Variants in GREB1 observed in about 807,000 individuals in gnomAD.
The protein encoded by GREB1 is growth regulating estrogen receptor binding 1, also known as protein GREB1.
A neutral mutation model predicts 200.7 loss-of-function variants in GREB1; 106 were observed. The observed-to-expected ratio is 0.53, with a 90% CI of 0.45 to 0.62. The LOEUF (loss-of-function observed/expected upper bound fraction) is 0.62. GREB1 is among the 20% of genes least tolerant of loss of function. The pLI is 0.00. For synonymous variants in GREB1, 1,132 were observed against 1,092.4 expected (o/e 1.04, Z -0.72); for missense variants, 2,243 against 2,556.8 (o/e 0.88, Z 2.65).
intron 23 of GREB1, 137 bp downstream of exon 23, chr2:11,621,144 G>A: frequency 1.6e-6 from 1 of 638,290 alleles, no homozygotes; most frequent in Non-Finnish European, 2.8e-6. Flanking sequence ...CTTGTAGGGG[G>A]TGCTATTTAT....
chr2:11,555,697 AAATAAATT>A (rs1676366595), intron 1 of GREB1, among the ~76,000 whole-genome samples: 1 of 152,210 alleles, frequency 6.6e-6, no homozygotes, highest in Admixed American at 6.5e-5. Flanking sequence ...TAGAGACAGA[AAATAAATT>A]AATTGTTGCC....
intron 16 of GREB1, among the ~76,000 whole-genome samples, chr2:11,601,626 T>A (rs1681789574): frequency 6.6e-6 from 1 of 152,218 alleles, no homozygotes; most frequent in Non-Finnish European, 1.5e-5. Flanking sequence ...TGAGAAACTT[T>A]AAAAAATACC....
chr2:11,538,990 T>TCTTCACCTCC, intron 1 of GREB1, among the ~76,000 whole-genome samples: 1 of 102,854 alleles, frequency 9.7e-6, no homozygotes, highest in African/African-American at 3.4e-5. Context: ...TCCTCTCCTC[T>TCTTCACCTCC]CTTCTCCTCC....
At chr2:11,587,478 T>C in intron 9 of GREB1, 1 of 1,611,252 alleles carries the variant, frequency 6.2e-7, no homozygotes, top group Non-Finnish European at 8.5e-7. Context: ...GGACCCATCC[T>C]GGAATCAGAA....
chr2:11,489,662 G>A (rs1047060019), intron 1 of GREB1, among the ~76,000 whole-genome samples: 1 of 152,216 alleles, frequency 6.6e-6, no homozygotes, highest in Non-Finnish European at 1.5e-5. Context: ...ACTCATGCGT[G>A]TAAGAGTAGT....
At chr2:11,593,921 G>A (rs1187316603) in intron 11 of GREB1, among the ~76,000 whole-genome samples, 1 of 152,104 alleles carries the variant, frequency 6.6e-6, no homozygotes, top group Non-Finnish European at 1.5e-5. Flanking sequence ...AGCTTTCCTG[G>A]CCTGCTTAAA....
chr2:11,516,777 G>A (rs1023260214), intron 1 of GREB1, among the ~76,000 whole-genome samples: 1 of 152,226 alleles, frequency 6.6e-6, no homozygotes, highest in Non-Finnish European at 1.5e-5. Context: ...CTAGGAAGCT[G>A]CCACACGCAA....
chr2:11,571,315 C>CCCAATTTAAATCCCAAATTAA (rs1678264780), intron 4 of GREB1, among the ~76,000 whole-genome samples: 1 of 152,144 alleles, frequency 6.6e-6, no homozygotes, highest in Admixed American at 6.5e-5. Flanking sequence ...AGTTGCTGTT[C>CCCAATTTAAATCCCAAATTAA]AGGCCCAATT....
rs1188031767 is a variant in GREB1 at position 11,516,377 on chromosome 2, C to G, written c.-159+33996C>G. 3.3e-5 allele frequency among the ~76,000 whole-genome samples: 5 copies of G among 151,610 alleles called. No individual in the cohort carries two copies. In the East Asian group the frequency reaches 9.7e-4, roughly 29 times the overall value. ...GCAATCTGTTCTCTTCTATCTTGCC[C>G]TGACTGCTCTGGTGCCGTCCTCAGC... is the stretch of plus-strand genomic sequence containing the variant. On this transcript the variant is annotated intron_variant, in intron 1 of 2. Transcript: ENST00000628795.
intron 17 of GREB1, among the ~76,000 whole-genome samples, chr2:11,605,370 C>T (rs1002463703): frequency 4.0e-5 from 6 of 151,702 alleles, no homozygotes; most frequent in African/African-American, 1.4e-4. Context: ...GAATTACAGG[C>T]GCTTGCCACC....
intron 8 of GREB1, 104 bp from the exon 9 acceptor site, chr2:11,585,658 A>C: frequency 8.1e-7 from 1 of 1,241,026 alleles, no homozygotes; most frequent in East Asian, 2.3e-5. Context: ...GTAATCAGGG[A>C]CGTTGGTCAG....
chr2:11,639,590 A>G (rs1442174767), intron 32 of GREB1, among the ~76,000 whole-genome samples: 1 of 152,166 alleles, frequency 6.6e-6, no homozygotes, highest in East Asian at 1.9e-4. Flanking sequence ...CACGATTTCC[A>G]GTCTGCATTT....
At chr2:11,510,274 T>G (rs1391621033) in intron 1 of GREB1, among the ~76,000 whole-genome samples, 1 of 152,224 alleles carries the variant, frequency 6.6e-6, no homozygotes, top group African/African-American at 2.4e-5. Context: ...GTACCTTATA[T>G]TGCACCAATG....
intron 1 of GREB1, among the ~76,000 whole-genome samples, chr2:11,508,929 C>T (rs942329965): frequency 6.9e-6 from 1 of 145,620 alleles, no homozygotes; most frequent in Non-Finnish European, 1.5e-5. Flanking sequence ...GGCTGGAGTG[C>T]AGTGGCGCGA....
chr2:11,596,053 G>T, intron 12 of GREB1, 58 bp from the exon 13 acceptor site: 1 of 1,548,920 alleles, frequency 6.5e-7, no homozygotes, highest in Non-Finnish European at 8.8e-7. Context: ...CTGCGCTGTA[G>T]ATGTTTGCTG....
chr2:11,607,450 GTGTGTGTGTGTATA>G (rs753789802), intron 17 of GREB1, among the ~76,000 whole-genome samples: 11 of 99,836 alleles, frequency 1.1e-4, no homozygotes, highest in Non-Finnish European at 2.3e-4. Flanking sequence ...GTGTGTGTGT[GTGTGTGTGTGTATA>G]TATATATACA....
At chr2:11,610,389 A>T (rs533666590) in intron 17 of GREB1, among the ~76,000 whole-genome samples, 2 of 152,338 alleles carry the variant, frequency 1.3e-5, no homozygotes, top group South Asian at 2.1e-4. Context: ...CCATTTATTC[A>T]TCTGCTCATT....
intron 20 of GREB1, 53 bp downstream of exon 20, chr2:11,615,343 G>T: frequency 1.4e-6 from 2 of 1,460,924 alleles, no homozygotes; most frequent in Admixed American, 2.0e-5. Context: ...GTCTTTCTTG[G>T]CTTCTGAGCT....
At chr2:11,483,719 TG>T (rs1370498862) in intron 1 of GREB1, among the ~76,000 whole-genome samples, 2 of 145,834 alleles carry the variant, frequency 1.4e-5, no homozygotes, top group African/African-American at 5.3e-5. Flanking sequence ...TGTGTGTGTG[TG>T]TGTGTGTGTG....
Sources: allele counts gnomAD v4.1 joint callset (sites outside exome capture counted in the v4.1 genomes callset), GRCh38; gene constraint gnomAD v4.1.1; transcripts MANE v1.5; gene names NCBI Gene and HGNC (gene_info 2026-07-23, HGNC 2026-07-21).